The following DPP10 variants were observed in gnomAD, a reference collection of about 807,000 sequenced individuals.
The protein encoded by DPP10 is dipeptidyl peptidase like 10.
A neutral mutation model predicts 120.9 loss-of-function variants in DPP10; 33 were observed. The ratio of observed to expected loss-of-function variants is 0.27; its 90% CI spans 0.21 to 0.37. The LOEUF (loss-of-function observed/expected upper bound fraction) is 0.37. Ranked by LOEUF, DPP10 falls within the 10% of genes least tolerant of loss-of-function variation. The pLI is 1.00. For missense variants in DPP10, 816 were observed against 942.8 expected, an observed-to-expected ratio of 0.87 and a Z score of 1.76; for synonymous variants, 337 against 326.1, an observed-to-expected ratio of 1.03 and a Z score of -0.36.
chr2:114,743,904 G>T (rs1678307688), intron 1 of DPP10, among the ~76,000 whole-genome samples: 1 of 151,926 alleles, frequency 6.6e-6, no homozygotes, highest in Non-Finnish European at 1.5e-5. Context: ...TTGGGTTTTG[G>T]TCTTGTCCTC....
Position 114,913,294 on chromosome 2 carries a change from G to A in DPP10, c.61-395945G>A, listed in dbSNP as rs150709662. Among the ~76,000 whole-genome samples the A allele has an allele frequency of 7.7e-3, 1,172 of 152,204 alleles. 22 individuals carry two copies. Among genetic ancestry groups the A allele is most frequent in the Admixed American group, 0.037 (561 of 15,280 alleles). On this transcript the variant is annotated intron_variant, in intron 1 of 25. Coordinates refer to ENST00000410059, the MANE Select transcript of DPP10 (RefSeq NM_020868.6). ...TTTTCAAATGGATACATGCACATGG[G>A]TCCTGCCATCACCTACCACCCCCGC...
chr2:115,606,565 G>A (rs1379349146), intron 5 of DPP10, among the ~76,000 whole-genome samples: 1 of 152,068 alleles, frequency 6.6e-6, no homozygotes, highest in African/African-American at 2.4e-5. Context: ...TAAACACTTG[G>A]CTGAAGGACT....
At chr2:114,785,441 T>C (rs319851) in intron 1 of DPP10, among the ~76,000 whole-genome samples, 54,936 of 151,734 alleles carry the variant, frequency 0.36, 10,183 homozygotes, top group South Asian at 0.42. Context: ...ACCCTTTGTT[T>C]TCCAGAGTGG....
chr2:115,776,673 A>G (rs1682135925), intron 13 of DPP10, among the ~76,000 whole-genome samples: 1 of 151,996 alleles, frequency 6.6e-6, no homozygotes, highest in South Asian at 2.1e-4. Flanking sequence ...CCTGTTTTTT[A>G]CATATTAAAA....
At chr2:115,337,260 G>T (rs141073425) in intron 2 of DPP10, among the ~76,000 whole-genome samples, 1 of 152,090 alleles carries the variant, frequency 6.6e-6, no homozygotes, top group African/African-American at 2.4e-5. Context: ...ATGCTAATAA[G>T]CTCCAGAGGG....
chr2:115,048,623 G>A (rs1006918764), intron 1 of DPP10, among the ~76,000 whole-genome samples: 1 of 152,046 alleles, frequency 6.6e-6, no homozygotes, highest in Non-Finnish European at 1.5e-5. Flanking sequence ...GCCACCTCAT[G>A]CCAAATAGCT....
At chr2:115,593,491 C>G (rs1459536996) in intron 5 of DPP10, among the ~76,000 whole-genome samples, 2 of 152,078 alleles carry the variant, frequency 1.3e-5, no homozygotes, top group Non-Finnish European at 2.9e-5. Context: ...TTTAAGTTGT[C>G]TAGCTTCAAT....
chr2:115,747,465 G>A (rs1264282501), intron 10 of DPP10, among the ~76,000 whole-genome samples: 2 of 152,080 alleles, frequency 1.3e-5, no homozygotes, highest in Non-Finnish European at 2.9e-5. Flanking sequence ...TTTTTCTCTG[G>A]TTTGTTTAAT....
At chr2:114,662,086 G>A (rs9308700) in intron 1 of DPP10, among the ~76,000 whole-genome samples, 30,593 of 151,790 alleles carry the variant, frequency 0.2, 6,121 homozygotes, top group African/African-American at 0.52. Flanking sequence ...CCTCTGCTCT[G>A]TTCCTAGCAG....
chr2:114,975,148 C>T (rs1024911205), intron 1 of DPP10, among the ~76,000 whole-genome samples: 2 of 151,616 alleles, frequency 1.3e-5, no homozygotes, highest in African/African-American at 2.4e-5. Flanking sequence ...TGGGTTCAAG[C>T]GATTCTCCTG....
chr2:115,815,368 G>C (rs1170110810), intron 20 of DPP10, among the ~76,000 whole-genome samples: 1 of 152,040 alleles, frequency 6.6e-6, no homozygotes, highest in South Asian at 2.1e-4. Context: ...AAAGTTAGTG[G>C]GTTCTTTATA....
chr2:114,854,239 C>A (rs1424348329), intron 1 of DPP10, among the ~76,000 whole-genome samples: 1 of 152,134 alleles, frequency 6.6e-6, no homozygotes, highest in Non-Finnish European at 1.5e-5. Context: ...ATTTGTAAAG[C>A]ATTAGAAAAG....
At chr2:115,329,049 C>T (rs1051399052) in intron 2 of DPP10, among the ~76,000 whole-genome samples, 7 of 152,010 alleles carry the variant, frequency 4.6e-5, no homozygotes, top group Admixed American at 2.0e-4. Context: ...TGGTAAACTT[C>T]TTGCAGATTA....
chr2:115,588,048 G>A (rs1217124843), intron 5 of DPP10, among the ~76,000 whole-genome samples: 1 of 152,248 alleles, frequency 6.6e-6, no homozygotes, highest in African/African-American at 2.4e-5. Flanking sequence ...AAAAACTTAT[G>A]TAAAAAATCT....
At chr2:115,615,748 A>G (rs113648562) in intron 5 of DPP10, among the ~76,000 whole-genome samples, 4 of 152,166 alleles carry the variant, frequency 2.6e-5, no homozygotes, top group Non-Finnish European at 5.9e-5. Context: ...TTTTCGAAAA[A>G]TGGAAGACTC....
intron 1 of DPP10, among the ~76,000 whole-genome samples, chr2:115,009,985 T>C (rs1399620256): frequency 6.6e-6 from 1 of 152,212 alleles, no homozygotes; most frequent in Non-Finnish European, 1.5e-5. Context: ...CAGTTTGGCA[T>C]CTACTTCTTC....
chr2:115,164,220 C>T (rs1470608143), intron 1 of DPP10, among the ~76,000 whole-genome samples: 2 of 152,000 alleles, frequency 1.3e-5, no homozygotes, highest in Non-Finnish European at 2.9e-5. Flanking sequence ...AGGAAATACT[C>T]ATATCTAGCA....
chr2:115,826,998 T>A (rs1283062431), intron 21 of DPP10, among the ~76,000 whole-genome samples: 2 of 152,114 alleles, frequency 1.3e-5, no homozygotes, highest in East Asian at 3.9e-4. Flanking sequence ...ATCATTGTTA[T>A]TGTTGCATTA....
chr2:115,602,915 A>G (rs1367565316), intron 5 of DPP10, among the ~76,000 whole-genome samples: 1 of 152,236 alleles, frequency 6.6e-6, no homozygotes. Context: ...TCCAAAAATT[A>G]TAATTATTTT....
Sources: allele counts gnomAD v4.1 joint callset (sites outside exome capture counted in the v4.1 genomes callset), GRCh38; gene constraint gnomAD v4.1.1; transcripts MANE v1.5; gene names NCBI Gene and HGNC (gene_info 2026-07-23, HGNC 2026-07-21).